The following MS4A1 variants were observed in gnomAD, a reference collection of about 807,000 sequenced individuals.
MS4A1 encodes the protein B-lymphocyte antigen CD20.
MS4A1 carries 16 observed loss-of-function variants against 26.5 expected under a neutral mutation model. That is an observed-to-expected ratio of 0.60 (90% confidence interval 0.41 to 0.92). MS4A1 has a LOEUF of 0.92. MS4A1 is among the 40% of genes least tolerant of loss of function. The pLI is 0.00. For synonymous variants in MS4A1, 128 were observed against 117.6 expected (o/e 1.09, Z -0.57); for missense variants, 350 against 353.0 (o/e 0.99, Z 0.07).
Position 60,462,233 on chromosome 11 carries a change from C to A in MS4A1, c.-142C>A. The A allele has an allele frequency of 1.1e-6, 1 of 894,498 alleles. No individual in the cohort carries two copies. The highest frequency in any genetic ancestry group is 2.6e-5 in the East Asian group (1 of 38,286). 55.4% of individuals were successfully genotyped at this position (894,498 alleles called of 1,614,324 possible). A position where few individuals can be genotyped will look rare whatever the true frequency, so the allele number is the denominator to read the frequency against. ...AGATCCAAGGTCACTCGGAAGAGGC[C>A]ATGTCTACCCTCAATGACACTCATG... On this transcript the variant is annotated 5_prime_UTR_variant, in exon 3 of 8. Coordinates refer to ENST00000345732, the MANE Select transcript of MS4A1 (RefSeq NM_152866.3).
At chr11:60,467,412 G>A (rs1000042904) in intron 7 of MS4A1, among the ~76,000 whole-genome samples, 1 of 151,938 alleles carries the variant, frequency 6.6e-6, no homozygotes, top group African/African-American at 2.4e-5. Flanking sequence ...GAGTAGCTGG[G>A]ATTACAGGCA....
At position 60,464,355 on chromosome 11, in the gene MS4A1, A is replaced by C. The variant is rs376257230; in HGVS notation, c.336+11A>C. On this transcript the variant is annotated intron_variant, in intron 5 of 7. Coordinates refer to ENST00000345732, the MANE Select transcript of MS4A1 (RefSeq NM_152866.3). The stretch of plus-strand genomic sequence containing the variant: ...TCCAGGAAGTGTTTGGCAAGTAACC[A>C]TATGTCCTTCTTTCCCACATGTCAG... The C allele has an allele frequency of 1.1e-5, 17 of 1,612,286 alleles. No homozygotes were observed. Among genetic ancestry groups the C allele is most frequent in the Non-Finnish European group, 1.4e-5 (17 of 1,178,658 alleles).
At chr11:60,459,242 C>A (rs1374384625) in intron 1 of MS4A1, among the ~76,000 whole-genome samples, 3 of 152,170 alleles carry the variant, frequency 2.0e-5, no homozygotes. Context: ...CAGCTCATTC[C>A]ATACTTGCCA....
At chr11:60,462,561 C>A in intron 3 of MS4A1, 28 bp downstream of exon 3, 1 of 1,613,780 alleles carries the variant, frequency 6.2e-7, no homozygotes, top group South Asian at 1.1e-5. Context: ...CATCCCATGT[C>A]GTAGGGATTC....
chr11:60,464,265 T>C (rs2135199666), intron 4 of MS4A1, 23 bp from the exon 5 acceptor site: 1 of 1,360,632 alleles, frequency 7.3e-7, no homozygotes, highest in South Asian at 1.2e-5. Flanking sequence ...CCTCTCCATC[T>C]CCCCCACCTC....
At chr11:60,458,137 A>G (rs2086219023) in intron 1 of MS4A1, 1 of 152,262 alleles carries the variant, frequency 6.6e-6, no homozygotes, top group Admixed American at 6.5e-5. Context: ...GGTGCAAAGA[A>G]GAAATAATTT....
chr11:60,465,196 TAATC>T (rs778672887), intron 5 of MS4A1, among the ~76,000 whole-genome samples: 3 of 152,264 alleles, frequency 2.0e-5, no homozygotes, highest in Non-Finnish European at 2.9e-5. Flanking sequence ...CATAAAATAA[TAATC>T]AATAATCCCA....
intron 5 of MS4A1, 121 bp downstream of exon 5, chr11:60,464,465 C>G: frequency 1.2e-6 from 1 of 806,784 alleles, no homozygotes; most frequent in Non-Finnish European, 2.1e-6. Flanking sequence ...AAGCAAAGAC[C>G]CTCCACAATG....
rs751558749 is a variant in MS4A1, at chr11:60,464,399, C to T, written c.336+55C>T. 106 of 1,540,824 alleles carry T rather than the reference C, an allele frequency of 6.9e-5. 2 individuals carry two copies. Among genetic ancestry groups the T allele is most frequent in the Middle Eastern group, 5.1e-4 (3 of 5,918 alleles). Reference sequence around the variant, plus strand: ...ATGTCAGAGAAGTACCTATTTTTTTCGGTTAAAAACTGAGACCCTTAAAAA... The same window carrying T: ...ATGTCAGAGAAGTACCTATTTTTTTTGGTTAAAAACTGAGACCCTTAAAAA... On this transcript the variant is annotated intron_variant, in intron 5 of 7. Coordinates refer to ENST00000345732, the MANE Select transcript of MS4A1 (RefSeq NM_152866.3).
At chr11:60,466,830 T>C in intron 6 of MS4A1, 129 bp from the exon 7 acceptor site, 1 of 887,252 alleles carries the variant, frequency 1.1e-6, no homozygotes, top group Non-Finnish European at 1.8e-6. Context: ...TTCTCACAGC[T>C]ATTCATTACT....
chr11:60,465,835 G>C, intron 5 of MS4A1, 86 bp from the exon 6 acceptor site: 1 of 1,005,568 alleles, frequency 9.9e-7, no homozygotes, highest in East Asian at 2.4e-5. Flanking sequence ...TTGTGAGTCA[G>C]GGCAGTTGCA....
intron 4 of MS4A1, chr11:60,463,873 T>C (rs1340829140): frequency 6.8e-6 from 3 of 438,996 alleles, no homozygotes; most frequent in Non-Finnish European, 1.4e-5. Context: ...TCTGCATCAG[T>C]TCACTCTTCA....
intron 3 of MS4A1, 22 bp from the exon 4 acceptor site, chr11:60,462,979 TG>T: frequency 1.9e-6 from 3 of 1,612,638 alleles, no homozygotes; most frequent in Non-Finnish European, 2.5e-6. Flanking sequence ...GCTCATCCAC[TG>T]CTGCCTCTGT....
At chr11:60,466,902 A>G (rs897247271) in intron 6 of MS4A1, 57 bp from the exon 7 acceptor site, 2 of 1,517,864 alleles carry the variant, frequency 1.3e-6, no homozygotes, top group South Asian at 1.1e-5. Flanking sequence ...CTGAACACCA[A>G]CAATGTTCTT....
At chr11:60,467,573 A>G (rs2086304816) in intron 7 of MS4A1, among the ~76,000 whole-genome samples, 1 of 151,632 alleles carries the variant, frequency 6.6e-6, no homozygotes, top group Non-Finnish European at 1.5e-5. Context: ...ACCATGCCCC[A>G]CCTCTGTGCA....
rs1447411933 is a variant in MS4A1 at position 60,469,779 on chromosome 11, T to C, written c.*1311T>C. The stretch of plus-strand genomic sequence containing the variant: ...GCTGCCCTACTTTTCAATTCAGATA[T>C]ACTAGTACCTTACCTAGAAATAATG... On this transcript the variant is annotated 3_prime_UTR_variant, in exon 8 of 8. Transcript: ENST00000345732. 2 of 152,152 alleles carry C rather than the reference T, an allele frequency of 1.3e-5. No individual in the cohort carries two copies. The highest frequency in any genetic ancestry group is 2.1e-4 in the South Asian group (1 of 4,832). The allele number at this position is 152,152 out of a possible 1,614,324, so 9.4% of individuals were successfully genotyped here. A position where few individuals can be genotyped will look rare whatever the true frequency, so the allele number is the denominator to read the frequency against.
At chr11:60,460,705 G>A (rs1458011001) in intron 1 of MS4A1, among the ~76,000 whole-genome samples, 1 of 149,006 alleles carries the variant, frequency 6.7e-6, no homozygotes, top group Non-Finnish European at 1.5e-5. Context: ...ACATGAACAA[G>A]TGAATGCTAA....
rs1392269336 is a variant in MS4A1 at position 60,469,431 on chromosome 11, T to A, written c.*963T>A. 6.6e-6 allele frequency: 1 copy of A among 152,162 alleles called. No homozygotes were observed. Among genetic ancestry groups the A allele is most frequent in the Non-Finnish European group, 1.5e-5 (1 of 68,000 alleles). The allele number at this position is 152,162 out of a possible 1,614,324, so 9.4% of individuals were successfully genotyped here. A position where few individuals can be genotyped will look rare whatever the true frequency, so the allele number is the denominator to read the frequency against. ...AGAGCCTTGTTTCATAACCAGGTCT[T>A]CTTACTCAAATCCTGTGATGTTTGA... On this transcript the variant is annotated 3_prime_UTR_variant, in exon 8 of 8. Coordinates refer to ENST00000345732, the MANE Select transcript of MS4A1 (RefSeq NM_152866.3).
intron 2 of MS4A1, among the ~76,000 whole-genome samples, chr11:60,461,715 T>G (rs762084351): frequency 2.0e-5 from 3 of 151,602 alleles, no homozygotes; most frequent in Non-Finnish European, 2.9e-5. Context: ...AGATGGGGTT[T>G]TGCCACGTTA....
Sources: allele counts gnomAD v4.1 joint callset (sites outside exome capture counted in the v4.1 genomes callset), GRCh38; gene constraint gnomAD v4.1.1; transcripts MANE v1.5; gene names NCBI Gene and HGNC (gene_info 2026-07-23, HGNC 2026-07-21).